Variants in MROH9 observed in about 807,000 individuals in gnomAD.
MROH9 encodes the protein maestro heat like repeat family member 9.
A neutral mutation model predicts 98.2 loss-of-function variants in MROH9; 92 were observed. The observed-to-expected ratio is 0.94, with a 90% CI of 0.79 to 1.11. MROH9 has a LOEUF of 1.11. MROH9 is among the 50% of genes most tolerant of loss of function. The pLI, the probability that MROH9 is intolerant of heterozygous loss-of-function variation, is 0.00. For synonymous variants in MROH9, 397 were observed against 368.9 expected, an observed-to-expected ratio of 1.08 and a Z score of -0.87; for missense variants, 1,057 against 1,014.8, an observed-to-expected ratio of 1.04 and a Z score of -0.57.
chr1:170,946,023 A>C (rs1156625216), intron 2 of MROH9, among the ~76,000 whole-genome samples: 1 of 152,092 alleles, frequency 6.6e-6, no homozygotes, highest in Non-Finnish European at 1.5e-5. Flanking sequence ...TAGTACTTAG[A>C]AAACTAAACC....
intron 19 of MROH9, 54 bp from the exon 20 acceptor site, chr1:171,025,264 A>T: frequency 1.8e-6 from 2 of 1,138,338 alleles, no homozygotes; most frequent in Non-Finnish European, 2.6e-6. Context: ...TGGAGGGAGC[A>T]AATGTTCTAT....
In MROH9 at chr1:171,062,198, A is replaced by T. The variant is rs760692692; in HGVS notation, c.2344+4A>T. On this transcript the variant is annotated splice_donor_region_variant and intron_variant, in intron 21 of 21. Coordinates refer to ENST00000367759, the MANE Select transcript of MROH9 (RefSeq NM_001163629.2). ...GAAATCGAAGTCATGCTTGATGGTG[A>T]GTATTGAGGTTATAACAAAATCTTT... The T allele has an allele frequency of 4.5e-5, 69 of 1,540,058 alleles. 1 individual carries two copies. The South Asian group carries it at 8.2e-4, about 18-fold the overall frequency.
intron 1 of MROH9, among the ~76,000 whole-genome samples, chr1:170,937,688 A>AT (rs1235144396): frequency 2.0e-5 from 3 of 150,602 alleles, no homozygotes; most frequent in Non-Finnish European, 4.4e-5. Context: ...CGCCCGGCTA[A>AT]TTTTTTTTGT....
intron 20 of MROH9, among the ~76,000 whole-genome samples, chr1:171,032,690 TGCTAGTAGGATC>T (rs1652962865): frequency 6.6e-6 from 1 of 152,174 alleles, no homozygotes; most frequent in Non-Finnish European, 1.5e-5. Flanking sequence ...ACCAATCTGA[TGCTAGTAGGATC>T]GCTCTTGTAT....
intron 7 of MROH9, among the ~76,000 whole-genome samples, chr1:170,967,512 A>G (rs1311217093): frequency 6.6e-6 from 1 of 152,160 alleles, no homozygotes; most frequent in Non-Finnish European, 1.5e-5. Context: ...GTATATCATC[A>G]ACGAATATTT....
intron 12 of MROH9, among the ~76,000 whole-genome samples, chr1:170,992,715 G>C (rs1353550299): frequency 6.6e-6 from 1 of 152,154 alleles, no homozygotes; most frequent in Non-Finnish European, 1.5e-5. Context: ...ATCTGAGTTA[G>C]AGAGTTCTAG....
intron 9 of MROH9, among the ~76,000 whole-genome samples, 192 bp from the exon 10 acceptor site, chr1:170,986,369 G>C (rs1651131721): frequency 6.6e-6 from 1 of 152,184 alleles, no homozygotes; most frequent in Admixed American, 6.5e-5. Flanking sequence ...AGTCATTTTT[G>C]TACCAACATT....
intron 20 of MROH9, among the ~76,000 whole-genome samples, chr1:171,054,429 C>A (rs1653765546): frequency 6.6e-6 from 1 of 152,102 alleles, no homozygotes; most frequent in Non-Finnish European, 1.5e-5. Flanking sequence ...ATAAAAATTC[C>A]AGAAAAATAG....
intron 20 of MROH9, among the ~76,000 whole-genome samples, chr1:171,032,251 A>G (rs986588816): frequency 6.6e-6 from 1 of 152,018 alleles, no homozygotes; most frequent in African/African-American, 2.4e-5. Context: ...ATAGTTTTTT[A>G]TTACCCATCT....
At chr1:171,054,478 A>G (rs192457703) in intron 20 of MROH9, among the ~76,000 whole-genome samples, 49 of 152,298 alleles carry the variant, frequency 3.2e-4, no homozygotes, top group African/African-American at 1.2e-3. Flanking sequence ...TTAGGCAAAG[A>G]CTTCATGACC....
intron 11 of MROH9, among the ~76,000 whole-genome samples, chr1:170,990,555 C>T (rs925489100): frequency 1.3e-5 from 2 of 152,048 alleles, no homozygotes; most frequent in Admixed American, 1.3e-4. Flanking sequence ...CAATATGAAC[C>T]TAACAGGCAC....
intron 21 of MROH9, among the ~76,000 whole-genome samples, chr1:171,063,159 C>T (rs1290762064): frequency 6.6e-6 from 1 of 151,616 alleles, no homozygotes; most frequent in Non-Finnish European, 1.5e-5. Flanking sequence ...CCCTTTGTTT[C>T]TATTTCTTTT....
At chr1:171,046,604 A>C (rs1653480498) in intron 20 of MROH9, among the ~76,000 whole-genome samples, 1 of 152,010 alleles carries the variant, frequency 6.6e-6, no homozygotes, top group African/African-American at 2.4e-5. Context: ...GCTTCTATTT[A>C]TATCTTATTG....
intron 3 of MROH9, among the ~76,000 whole-genome samples, chr1:170,952,011 A>G (rs1194386755): frequency 6.6e-6 from 1 of 152,130 alleles, no homozygotes; most frequent in African/African-American, 2.4e-5. Flanking sequence ...GCTCATCATC[A>G]CTGGCCATCA....
chr1:171,015,129 T>G, intron 16 of MROH9: 1 of 459,450 alleles, frequency 2.2e-6, no homozygotes, highest in South Asian at 1.6e-5. Flanking sequence ...CAATAATAAA[T>G]CGTTGTTTAT....
At chr1:171,036,544 C>T (rs1287531520) in intron 20 of MROH9, among the ~76,000 whole-genome samples, 1 of 151,888 alleles carries the variant, frequency 6.6e-6, no homozygotes, top group African/African-American at 2.4e-5. Flanking sequence ...CCATTTTTAA[C>T]TATGTACCTT....
At chr1:171,044,935 T>C (rs28788531) in intron 20 of MROH9, among the ~76,000 whole-genome samples, 4 of 150,606 alleles carry the variant, frequency 2.7e-5, no homozygotes, top group African/African-American at 4.9e-5. Flanking sequence ...ATTTGTATTG[T>C]TGTTTTCAGT....
intron 15 of MROH9, among the ~76,000 whole-genome samples, chr1:171,003,552 G>T (rs1410633125): frequency 6.6e-6 from 1 of 152,198 alleles, no homozygotes; most frequent in African/African-American, 2.4e-5. Flanking sequence ...CAGCCTCTGG[G>T]CTGGTACTGG....
At chr1:170,957,611 T>C (rs1411433509) in intron 3 of MROH9, among the ~76,000 whole-genome samples, 1 of 152,182 alleles carries the variant, frequency 6.6e-6, no homozygotes, top group African/African-American at 2.4e-5. Flanking sequence ...ACCTCCATGT[T>C]CTTTCTTAAG....
Sources: gnomAD v4.1 joint callset for allele counts (sites outside exome capture counted in the v4.1 genomes callset) on GRCh38, gnomAD v4.1.1 for gene constraint, MANE v1.5 for transcripts, NCBI Gene and HGNC (gene_info 2026-07-23, HGNC 2026-07-21) for gene names.